Variants in ZNF101 observed in about 807,000 individuals in gnomAD.
ZNF101 encodes zinc finger protein 101 (Y2).
In ZNF101, 34 loss-of-function variants were observed where a neutral mutation model predicts 42.6. The ratio of observed to expected loss-of-function variants is 0.80; its 90% confidence interval spans 0.61 to 1.06. ZNF101 has a LOEUF of 1.06. ZNF101 is among the 50% of genes least tolerant of loss of function. ZNF101 has a pLI of 0.00. For synonymous variants in ZNF101, 158 were observed against 183.9 expected (o/e 0.86, Z 1.14); for missense variants, 466 against 530.9 (o/e 0.88, Z 1.20).
chr19:19,679,817 C>T lies in ZNF101; in HGVS notation c.828C>T (p.His276=), dbSNP rs371360874. 2.7e-5 allele frequency: 44 copies of T among 1,613,640 alleles called. No homozygotes were observed. Among genetic ancestry groups the T allele is most frequent in the Non-Finnish European group, 3.5e-5 (41 of 1,179,942 alleles). The change falls in exon 4 of 4, where the codon CAC becomes CAT. Residue 276 remains histidine, a synonymous_variant. Coordinates refer to ENST00000592502, the MANE Select transcript of ZNF101 (RefSeq NM_033204.4). ...GYLRTHEIRS[H]ALEKSHQCQE... ...TTCGGACACATGAAATCAGATCTCA[C>T]GCGCTGGAGAAATCCCACCAATGTC...
upstream of ZNF101, chr19:19,668,832 G>T: frequency 1.7e-6 from 2 of 1,194,518 alleles, no homozygotes. Flanking sequence ...TTTCCCGCCG[G>T]CCCCCCATTC....
At position 19,679,896 on chromosome 19, in the gene ZNF101, A is replaced by C; in HGVS notation, c.907A>C (p.Thr303Pro). ...CAGTTCCCTTCACAGACATGAAAGA[A>C]CTCATAGTGGAGGAAAACTCTACGA... ...CSSSLHRHERTHSGGKLYECQ... is the reference protein window; with the variant it reads ...CSSSLHRHERPHSGGKLYECQ... Residue 303 changes from threonine (T) to proline (P), a missense_variant, in exon 4 of 4, where the codon ACT (threonine) becomes CCT (proline). Coordinates refer to ENST00000592502, the MANE Select transcript of ZNF101 (RefSeq NM_033204.4). 6.2e-7 allele frequency: 1 copy of C among 1,614,114 alleles called. No individual in the cohort carries two copies. Among genetic ancestry groups the C allele is most frequent in the East Asian group, 2.2e-5 (1 of 44,886 alleles).
chr19:19,669,571 G>A (rs977569486), intron 1 of ZNF101, among the ~76,000 whole-genome samples: 3 of 152,172 alleles, frequency 2.0e-5, no homozygotes, highest in Admixed American at 1.3e-4. Flanking sequence ...TGGGCTCACT[G>A]CAGCCTCCGT....
Position 19,669,188 on chromosome 19 carries a change from C to T in ZNF101, c.3+222C>T, listed in dbSNP as rs993246308. On this transcript the variant is annotated intron_variant, in intron 1 of 3. Transcript: ENST00000592502. ...CCGGAGCCCTCTCAGGGCAGCTCCG[C>T]GCCCGCAGCCCCGCGTCTCCCCAGA... 2.6e-5 allele frequency among the ~76,000 whole-genome samples: 4 copies of T among 152,224 alleles called. No homozygotes were observed. The East Asian group carries it at 7.7e-4, about 29-fold the overall frequency.
chr19:19,674,422 C>T lies in ZNF101; in HGVS notation c.4-3442C>T, dbSNP rs184092164. 2.1e-4 allele frequency among the ~76,000 whole-genome samples: 32 copies of T among 152,072 alleles called. No individual in the cohort carries two copies. In the East Asian group the frequency reaches 2.5e-3, roughly 12 times the overall value. On this transcript the variant is annotated intron_variant, in intron 1 of 3. Transcript: ENST00000592502. Reference sequence around the variant, plus strand: ...AACTTCTCACCTCAAGTGATCTACTCGCCTCGACCTCCCGAAGTGCTGGGA... The same window carrying T: ...AACTTCTCACCTCAAGTGATCTACTTGCCTCGACCTCCCGAAGTGCTGGGA...
chr19:19,678,369 A>T (rs531072945), intron 2 of ZNF101, among the ~76,000 whole-genome samples: 1 of 152,046 alleles, frequency 6.6e-6, no homozygotes, highest in Admixed American at 6.6e-5. Context: ...TAATCCCAGC[A>T]CTTTGGGAGG....
Position 19,679,751 on chromosome 19 carries a change from A to G in ZNF101, c.762A>G (p.Lys254=). 1 of 1,613,228 alleles carries G rather than the reference A, an allele frequency of 6.2e-7. No homozygotes were observed. The highest frequency in any genetic ancestry group is 1.3e-5 in the African/African-American group (1 of 74,796). The change falls in exon 4 of 4, where the codon AAA becomes AAG. Residue 254 remains lysine, a synonymous_variant. Coordinates refer to ENST00000592502, the MANE Select transcript of ZNF101 (RefSeq NM_033204.4). ...CTCACACTGGAGAAAAACCTTACAA[A>G]TGTAAACAATGTGGTAAAGCCTTCA... The part of the protein sequence containing the change: ...VRTHTGEKPY[K]CKQCGKAFIS...
At chr19:19,673,020 C>T (rs1475654645) in intron 1 of ZNF101, among the ~76,000 whole-genome samples, 2 of 151,944 alleles carry the variant, frequency 1.3e-5, no homozygotes, top group African/African-American at 4.8e-5. Flanking sequence ...TCTTGACTCA[C>T]TGCAACCTCC....
chr19:19,680,253 C>G lies in ZNF101; in HGVS notation c.1264C>G (p.Gln422Glu). 6.5e-7 allele frequency: 1 copy of G among 1,548,882 alleles called. No individual in the cohort carries two copies. Among genetic ancestry groups the G allele is most frequent in the South Asian group, 1.3e-5 (1 of 78,442 alleles). ...AAGAACTCATTTGGCCGGGCGTAGC[C>G]AGTGCTTTGGCAGGAGGCAGGGGGA... The part of the protein sequence containing the change: ...HERTHLAGRS[Q>E]CFGRRQGDHL... Residue 422 changes from glutamine to glutamate, a missense_variant, in exon 4 of 4, where the codon CAG becomes GAG. By Grantham distance (29) the Gln-to-Glu change is conservative. Coordinates refer to ENST00000592502, the MANE Select transcript of ZNF101 (RefSeq NM_033204.4).
chr19:19,679,921 A>C lies in ZNF101; in HGVS notation c.932A>C (p.Glu311Ala). 1 of 1,614,196 alleles carries C rather than the reference A, an allele frequency of 6.2e-7. No homozygotes were observed. Among genetic ancestry groups the C allele is most frequent in the Middle Eastern group, 1.6e-4 (1 of 6,062 alleles). Reference sequence around the variant, plus strand: ...ACTCATAGTGGAGGAAAACTCTACGAATGTCAAAAATGTGCCAAAGTCTTT... The same window carrying C: ...ACTCATAGTGGAGGAAAACTCTACGCATGTCAAAAATGTGCCAAAGTCTTT... The part of the protein sequence containing the change: ...ERTHSGGKLY[E>A]CQKCAKVFRC... The change falls in exon 4 of 4, where the codon GAA becomes GCA. Residue 311 changes from glutamate (E) to alanine (A), a missense_variant. Transcript: ENST00000592502.
intron 1 of ZNF101, among the ~76,000 whole-genome samples, chr19:19,675,547 C>T (rs894674756): frequency 1.6e-4 from 24 of 152,090 alleles, no homozygotes; most frequent in Admixed American, 1.4e-3. Context: ...CATTTGTCCA[C>T]GTAATCAGTT....
intron 1 of ZNF101, 122 bp downstream of exon 1, chr19:19,669,088 G>A (rs2062153052): frequency 1.5e-6 from 2 of 1,374,816 alleles, no homozygotes; most frequent in Admixed American, 4.4e-5. Flanking sequence ...CCCAGGCGCA[G>A]CTCGACCCTT....
chr19:19,679,809 A>C lies in ZNF101; in HGVS notation c.820A>C (p.Arg274=). Residue 274 remains arginine (R), a synonymous_variant, in exon 4 of 4, where the codon AGA becomes CGA. Coordinates refer to ENST00000592502, the MANE Select transcript of ZNF101 (RefSeq NM_033204.4). ...AGGTTACCTTCGGACACATGAAATCAGATCTCACGCGCTGGAGAAATCCCA... is the reference window on the plus strand; with the variant it reads ...AGGTTACCTTCGGACACATGAAATCCGATCTCACGCGCTGGAGAAATCCCA... ...SAGYLRTHEI[R]SHALEKSHQC... is the part of the protein sequence containing the mutation. 6.2e-7 allele frequency: 1 copy of C among 1,613,988 alleles called. No homozygotes were observed. The highest frequency in any genetic ancestry group is 1.1e-5 in the South Asian group (1 of 91,066).
chr19:19,672,090 T>TAA (rs1555754929), intron 1 of ZNF101: 5 of 147,990 alleles, frequency 3.4e-5, no homozygotes, highest in Admixed American at 6.8e-5. Flanking sequence ...TATATATATA[T>TAA]AAATTATATG....
intron 1 of ZNF101, 21 bp downstream of exon 1, chr19:19,668,987 G>A (rs1194062856): frequency 2.5e-6 from 4 of 1,582,314 alleles, no homozygotes; most frequent in Admixed American, 1.8e-5. Flanking sequence ...GGAGCCGGGC[G>A]TCCGGAGACC....
upstream of ZNF101, chr19:19,668,774 C>G: frequency 1.6e-6 from 1 of 640,580 alleles, no homozygotes; most frequent in Non-Finnish European, 2.6e-6. Flanking sequence ...ACTGTCCAAT[C>G]AGGTGCGCCG....
intron 1 of ZNF101, among the ~76,000 whole-genome samples, chr19:19,671,039 G>C (rs1452111765): frequency 6.6e-6 from 1 of 152,116 alleles, no homozygotes; most frequent in Non-Finnish European, 1.5e-5. Flanking sequence ...CCGGGAGGCG[G>C]AGCTTGCAGT....
At chr19:19,677,743 A>AT in intron 1 of ZNF101, 121 bp from the exon 2 acceptor site, 1 of 1,428,142 alleles carries the variant, frequency 7.0e-7, no homozygotes, top group Non-Finnish European at 9.4e-7. Flanking sequence ...GAGGAGGCCG[A>AT]TGACTCAATC....
chr19:19,674,712 G>A (rs2062191510), intron 1 of ZNF101, among the ~76,000 whole-genome samples: 1 of 152,066 alleles, frequency 6.6e-6, no homozygotes, highest in African/African-American at 2.4e-5. Context: ...CTTCAGTTTT[G>A]GAAGAGTTTG....
Sources: gnomAD v4.1 joint callset for allele counts (sites outside exome capture counted in the v4.1 genomes callset) on GRCh38, gnomAD v4.1.1 for gene constraint, MANE v1.5 for transcripts, NCBI Gene and HGNC (gene_info 2026-07-23, HGNC 2026-07-21) for gene names.